ZNF559: variants seen among roughly 807,000 people sequenced by gnomAD.
ZNF559 encodes the protein zinc finger protein 559, also known as putative protein product of Nbla00121.
ZNF559 carries 17 observed loss-of-function variants against 14.2 expected under a neutral mutation model. The ratio of observed to expected loss-of-function variants is 1.20; its 90% CI spans 0.82 to 1.80. The LOEUF (loss-of-function observed/expected upper bound fraction) is 1.80. Ranked by LOEUF, ZNF559 falls within the 40% of genes most tolerant of loss-of-function variation. ZNF559 has a pLI of 0.00. For synonymous variants in ZNF559, 244 were observed against 212.4 expected, an observed-to-expected ratio of 1.15 and a Z score of -1.29; for missense variants, 740 against 629.7, an observed-to-expected ratio of 1.18 and a Z score of -1.88.
At position 9,324,791 on chromosome 19, in the gene ZNF559, C is replaced by T. The variant is rs1286456280; in HGVS notation, c.-120+11C>T. ...TTCTGTCGTGTCCCGGTGAGCACTT[C>T]ATGCACTTGTTCTGGCTGTGGGTGT... On this transcript the variant is annotated intron_variant, in intron 2 of 6. Transcript: ENST00000603380. 2 of 1,535,392 alleles carry T rather than the reference C, an allele frequency of 1.3e-6. No homozygotes were observed. Among genetic ancestry groups the T allele is most frequent in the Non-Finnish European group, 1.7e-6 (2 of 1,146,296 alleles).
chr19:9,344,245 A>C lies in ZNF559; in HGVS notation c.*1177A>C, dbSNP rs1219876907. On this transcript the variant is annotated 3_prime_UTR_variant, in exon 7 of 7. Transcript: ENST00000603380. ...GATATGGTAAGACCATCTCAAAAAA[A>C]GAAAAAAAAATTAAAATATCCTCAG... The C allele has an allele frequency of 2.0e-5, 3 of 152,180 alleles. No homozygotes were observed. Among genetic ancestry groups the C allele is most frequent in the Non-Finnish European group, 2.9e-5 (2 of 68,022 alleles). The allele number at this position is 152,180 out of a possible 1,614,324, so 9.4% of individuals were successfully genotyped here.
intron 2 of ZNF559, 48 bp downstream of exon 2, chr19:9,324,828 G>GT (rs1319099485): frequency 2.7e-6 from 4 of 1,485,550 alleles, no homozygotes; most frequent in African/African-American, 1.4e-5. Flanking sequence ...GGGTCTTGAA[G>GT]TTTAAGTTGT....
intron 2 of ZNF559, among the ~76,000 whole-genome samples, chr19:9,331,446 G>T (rs1274669402): frequency 6.6e-6 from 1 of 152,022 alleles, no homozygotes; most frequent in Non-Finnish European, 1.5e-5. Flanking sequence ...ATTGTCAAGG[G>T]TTAGAAAAAG....
At chr19:9,324,552 G>T in intron 1 of ZNF559, 143 bp from the exon 2 acceptor site, 1 of 1,199,854 alleles carries the variant, frequency 8.3e-7, no homozygotes, top group South Asian at 1.6e-5. Context: ...CCAGCGCTTT[G>T]GGCGGATTGG....
At chr19:9,335,474 C>T (rs1483257922) in intron 2 of ZNF559, among the ~76,000 whole-genome samples, 2 of 152,098 alleles carry the variant, frequency 1.3e-5, no homozygotes, top group South Asian at 2.1e-4. Flanking sequence ...CCCCATACCC[C>T]CAGAAAAATA....
rs533736412 is a variant in ZNF559 at position 9,342,801 on chromosome 19, G to A, written c.1350G>A (p.Ser450=). The A allele has an allele frequency of 5.1e-5, 83 of 1,613,624 alleles. No individual in the cohort carries two copies. The African/African-American group carries it at 5.6e-4, about 11-fold the overall frequency. The change falls in exon 7 of 7, where the codon TCG becomes TCA. Residue 450 remains serine, a synonymous_variant. Coordinates refer to ENST00000603380, the MANE Select transcript of ZNF559 (RefSeq NM_032497.3). ...GTGGGAAAGCCTTTAGATACTCCTC[G>A]CACCTTAGTCAACATAAAAGAATAC... The part of the protein sequence containing the change: ...EECGKAFRYS[S]HLSQHKRIHT...
In ZNF559 at chr19:9,341,220, G is replaced by C. The variant is rs780282462; in HGVS notation, c.243+36G>C. 2.2e-5 allele frequency: 34 copies of C among 1,569,340 alleles called. No individual in the cohort carries two copies. In the African/African-American group the frequency reaches 3.4e-4, roughly 16 times the overall value. ...GAAGGTATAATTTATTGTCTTCCAT[G>C]TTAGAGGAAGATTGGAAATTCCTTA... On this transcript the variant is annotated intron_variant, in intron 6 of 6. Transcript: ENST00000603380.
chr19:9,341,844 C>T lies in ZNF559; in HGVS notation c.393C>T (p.Pro131=), dbSNP rs1334794606. 5 of 1,610,342 alleles carry T rather than the reference C, an allele frequency of 3.1e-6. No individual in the cohort carries two copies. Among genetic ancestry groups the T allele is most frequent in the South Asian group, 1.1e-5 (1 of 89,994 alleles). The change falls in exon 7 of 7, where the codon CCC becomes CCT. Residue 131 remains proline, a synonymous_variant. Coordinates refer to ENST00000603380, the MANE Select transcript of ZNF559 (RefSeq NM_032497.3). ...CNQCEKAFRK[P]SIFTLHKKTD... is the part of the protein sequence containing the mutation. Reference sequence around the variant, plus strand: ...AATGTGAAAAAGCCTTCAGAAAACCCTCTATCTTTACTTTACACAAGAAAA... The same window carrying T: ...AATGTGAAAAAGCCTTCAGAAAACCTTCTATCTTTACTTTACACAAGAAAA...
In ZNF559 at chr19:9,342,111, A is replaced by G. The variant is rs141198058; in HGVS notation, c.660A>G (p.Glu220=). ...ERPYTHKEYV[E]TFSHSTALFV... is the part of the protein sequence containing the mutation. Reference sequence around the variant, plus strand: ...CATATACTCATAAGGAGTATGTCGAAACCTTTTCTCATTCTACAGCCCTTT... The same window carrying G: ...CATATACTCATAAGGAGTATGTCGAGACCTTTTCTCATTCTACAGCCCTTT... Residue 220 remains glutamate (E), a synonymous_variant, in exon 7 of 7, where the codon GAA becomes GAG. Coordinates refer to ENST00000603380, the MANE Select transcript of ZNF559 (RefSeq NM_032497.3). 6.2e-7 allele frequency: 1 copy of G among 1,613,536 alleles called. No homozygotes were observed. The highest frequency in any genetic ancestry group is 2.2e-5 in the East Asian group (1 of 44,870).
In ZNF559 at chr19:9,341,945, A is replaced by T; in HGVS notation, c.494A>T (p.Lys165Met). ...AFSQHLHLVCKKTSQNLHLVC... is the reference protein window; with the variant it reads ...AFSQHLHLVCMKTSQNLHLVC... Reference sequence around the variant, plus strand: ...AGCCAACATCTACATCTTGTTTGCAAGAAAACTAGCCAAAATCTACATCTT... The same window carrying T: ...AGCCAACATCTACATCTTGTTTGCATGAAAACTAGCCAAAATCTACATCTT... The change falls in exon 7 of 7, where the codon AAG (lysine) becomes ATG (methionine). Residue 165 changes from lysine (K) to methionine (M), a missense_variant. Coordinates refer to ENST00000603380, the MANE Select transcript of ZNF559 (RefSeq NM_032497.3). 1 of 1,613,918 alleles carries T rather than the reference A, an allele frequency of 6.2e-7. No homozygotes were observed. The highest frequency in any genetic ancestry group is 8.5e-7 in the Non-Finnish European group (1 of 1,179,942).
chr19:9,334,580 C>T (rs547762674), intron 2 of ZNF559, among the ~76,000 whole-genome samples: 17 of 152,112 alleles, frequency 1.1e-4, no homozygotes, highest in Admixed American at 9.2e-4. Context: ...TTTCCATTTG[C>T]GAAGAGGGGC....
chr19:9,341,584 C>A, intron 6 of ZNF559, 111 bp from the exon 7 acceptor site: 1 of 1,563,916 alleles, frequency 6.4e-7, no homozygotes, highest in South Asian at 1.1e-5. Flanking sequence ...CAAACAGTTT[C>A]AATTATACTA....
intron 2 of ZNF559, among the ~76,000 whole-genome samples, chr19:9,329,748 C>A (rs1481726066): frequency 6.6e-6 from 1 of 152,304 alleles, no homozygotes; most frequent in Admixed American, 6.5e-5. Flanking sequence ...ACTGCAACCT[C>A]CACCTCCCGG....
rs1291964784 is a variant in ZNF559 at position 9,337,864 on chromosome 19, AG to A, written c.-57+8del. ...CTGTTGCTGAAAGATTGACGGTATG[AG>A]GCAAGACTCCCACTACTACTTAATC... On this transcript the variant is annotated splice_region_variant and intron_variant, in intron 3 of 6. Transcript: ENST00000603380. 2 of 1,513,066 alleles carry A rather than the reference AG, an allele frequency of 1.3e-6. No individual in the cohort carries two copies. Among genetic ancestry groups the A allele is most frequent in the Non-Finnish European group, 1.8e-6 (2 of 1,134,050 alleles). 93.7% of individuals were successfully genotyped at this position (1,513,066 alleles called of 1,614,324 possible).
chr19:9,343,835 G>GCT lies in ZNF559; in HGVS notation c.*768_*769dup. 19 of 980,196 alleles carry GCT rather than the reference G, an allele frequency of 1.9e-5. No homozygotes were observed. Among genetic ancestry groups the GCT allele is most frequent in the Non-Finnish European group, 2.3e-5 (19 of 825,274 alleles). 60.7% of individuals were successfully genotyped at this position (980,196 alleles called of 1,614,324 possible). On this transcript the variant is annotated 3_prime_UTR_variant, in exon 7 of 7. Transcript: ENST00000603380. ...TATATATCATTAATAAAAATATCTA[G>GCT]CTGGTCTGAAGATCCTGAGTTATCT...
intron 2 of ZNF559, among the ~76,000 whole-genome samples, chr19:9,333,873 C>G (rs531044671): frequency 6.6e-6 from 1 of 152,012 alleles, no homozygotes; most frequent in Non-Finnish European, 1.5e-5. Context: ...ACTGACTGTA[C>G]TATGGATAAT....
chr19:9,331,128 C>T (rs1170492369), intron 2 of ZNF559, among the ~76,000 whole-genome samples: 2 of 152,178 alleles, frequency 1.3e-5, no homozygotes, highest in Non-Finnish European at 2.9e-5. Context: ...TGCCTCATTT[C>T]TTTCTCAGAT....
chr19:9,342,307 A>G lies in ZNF559; in HGVS notation c.856A>G (p.Lys286Glu), dbSNP rs1195811915. 1 of 1,593,010 alleles carries G rather than the reference A, an allele frequency of 6.3e-7. No individual in the cohort carries two copies. The highest frequency in any genetic ancestry group is 1.8e-5 in the Admixed American group (1 of 54,780). Residue 286 changes from lysine (K) to glutamate (E), a missense_variant, in exon 7 of 7, where the codon AAA (lysine) becomes GAA (glutamate). By Grantham distance (56) the Lys-to-Glu change is moderately conservative. Coordinates refer to ENST00000603380, the MANE Select transcript of ZNF559 (RefSeq NM_032497.3). ...KAFAFSPDLA[K>E]HIRLRTRGKH... is the part of the protein sequence containing the mutation. ...CTTTGCTTTTTCCCCAGATCTTGCT[A>G]AACATATAAGACTTAGAACTAGAGG...
chr19:9,339,915 C>G (rs2067456884), intron 5 of ZNF559, among the ~76,000 whole-genome samples: 1 of 149,958 alleles, frequency 6.7e-6, no homozygotes, highest in Non-Finnish European at 1.5e-5. Context: ...ACTACAGGCG[C>G]CCACCACCAC....
Sources: allele counts gnomAD v4.1 joint callset (sites outside exome capture counted in the v4.1 genomes callset), GRCh38; gene constraint gnomAD v4.1.1; transcripts MANE v1.5; gene names NCBI Gene and HGNC (gene_info 2026-07-23, HGNC 2026-07-21).